ARHGEF9: variants seen among roughly 807,000 people sequenced by gnomAD.
The protein encoded by ARHGEF9 is Cdc42 guanine nucleotide exchange factor 9, also known as rho guanine nucleotide exchange factor 9.
In ARHGEF9, 2 loss-of-function variants were observed where a neutral mutation model predicts 41.3. The observed-to-expected ratio is 0.05, with a 90% CI of 0.02 to 0.15. The LOEUF is 0.15. Among genes scored for constraint, ARHGEF9 ranks in the 10% least tolerant of loss-of-function variants. The pLI, the probability that ARHGEF9 is intolerant of heterozygous loss-of-function variation, is 1.00. For missense variants in ARHGEF9, 225 were observed against 424.7 expected, an observed-to-expected ratio of 0.53 and a Z score of 4.13; for synonymous variants, 160 against 154.4, an observed-to-expected ratio of 1.04 and a Z score of -0.27.
chrX:63,782,729 T>G (rs2056402378), intron 1 of ARHGEF9, among the ~76,000 whole-genome samples: 2 of 112,435 alleles, frequency 1.8e-5, no homozygotes, highest in South Asian at 7.3e-4. Context: ...TATAAAATGG[T>G]GGCTAGATAC....
At chrX:63,742,471 C>T (rs1432643649) in intron 1 of ARHGEF9, among the ~76,000 whole-genome samples, 2 of 111,561 alleles carry the variant, frequency 1.8e-5, no homozygotes, top group African/African-American at 3.3e-5. Context: ...CCCCTCTAAC[C>T]CTCAGCAAGC....
At chrX:63,769,201 G>C (rs1175381386) in intron 1 of ARHGEF9, among the ~76,000 whole-genome samples, 1 of 111,520 alleles carries the variant, frequency 9.0e-6, no homozygotes, top group Non-Finnish European at 1.9e-5. Flanking sequence ...GATCTTGTTG[G>C]TAACTGAAGC....
chrX:63,707,664 T>C (rs2052643957), intron 2 of ARHGEF9, among the ~76,000 whole-genome samples: 1 of 111,638 alleles, frequency 9.0e-6, no homozygotes, highest in African/African-American at 3.3e-5. Flanking sequence ...TTTTCCACAT[T>C]CCTGCCTCAA....
At chrX:63,642,564 G>T (rs2047706354) in intron 9 of ARHGEF9, 1 of 111,807 alleles carries the variant, frequency 8.9e-6, no homozygotes, top group Non-Finnish European at 1.9e-5. Flanking sequence ...TTGAAGGGGA[G>T]GCATGTCTAG....
At chrX:63,697,931 T>C (rs2051873529) in intron 3 of ARHGEF9, among the ~76,000 whole-genome samples, 1 of 110,479 alleles carries the variant, frequency 9.1e-6, no homozygotes, top group East Asian at 2.8e-4. Flanking sequence ...TTTAAGAAAA[T>C]GCATTCATAC....
At chrX:63,711,535 C>T (rs1158747152) in intron 2 of ARHGEF9, among the ~76,000 whole-genome samples, 1 of 111,543 alleles carries the variant, frequency 9.0e-6, no homozygotes, top group East Asian at 2.8e-4. Context: ...GTCAAAGGTG[C>T]CAGGATTATT....
intron 6 of ARHGEF9, among the ~76,000 whole-genome samples, chrX:63,671,885 A>G (rs782364899): frequency 2.4e-3 from 271 of 112,260 alleles, no homozygotes; most frequent in Non-Finnish European, 4.5e-3. Flanking sequence ...TTACTAGAGA[A>G]AAGACTTCCT....
intron 3 of ARHGEF9, among the ~76,000 whole-genome samples, chrX:63,703,454 T>C (rs1481016608): frequency 1.8e-5 from 2 of 112,091 alleles, no homozygotes; most frequent in Non-Finnish European, 1.9e-5. Context: ...ATCTAGAAAA[T>C]AGGAATAACA....
At chrX:63,767,974 A>G (rs1214710108) in intron 1 of ARHGEF9, among the ~76,000 whole-genome samples, 1 of 112,180 alleles carries the variant, frequency 8.9e-6, no homozygotes, top group Non-Finnish European at 1.9e-5. Flanking sequence ...GAATTCATGC[A>G]TGTCAAGGCA....
At chrX:63,649,527 G>T (rs2048386923) in intron 8 of ARHGEF9, among the ~76,000 whole-genome samples, 1 of 111,578 alleles carries the variant, frequency 9.0e-6, no homozygotes, top group Non-Finnish European at 1.9e-5. Flanking sequence ...ACAATTAAAA[G>T]AACTAGAGAA....
intron 3 of ARHGEF9, among the ~76,000 whole-genome samples, chrX:63,705,991 AG>A (rs1467297239): frequency 1.8e-5 from 2 of 111,699 alleles, no homozygotes; most frequent in Non-Finnish European, 3.8e-5. Flanking sequence ...AGAAGGAGGA[AG>A]ACTAAGAAAG....
chrX:63,702,684 T>C (rs374152641), intron 3 of ARHGEF9, among the ~76,000 whole-genome samples: 36 of 111,858 alleles, frequency 3.2e-4, no homozygotes, highest in East Asian at 2.5e-3. Flanking sequence ...TCCCATAACC[T>C]ACAGAAAGAG....
chrX:63,727,801 A>C (rs1233506667), intron 1 of ARHGEF9, among the ~76,000 whole-genome samples: 1 of 112,366 alleles, frequency 8.9e-6, no homozygotes, highest in Non-Finnish European at 1.9e-5. Flanking sequence ...CCCTTTAAGG[A>C]AAAACTATTA....
chrX:63,733,924 G>A (rs868980831), intron 1 of ARHGEF9, among the ~76,000 whole-genome samples: 1 of 112,213 alleles, frequency 8.9e-6, no homozygotes, highest in Non-Finnish European at 1.9e-5. Flanking sequence ...AGGGCATGAT[G>A]CCATCCAGAA....
At chrX:63,773,445 C>T (rs2056236532) in intron 1 of ARHGEF9, among the ~76,000 whole-genome samples, 1 of 111,919 alleles carries the variant, frequency 8.9e-6, no homozygotes, top group Non-Finnish European at 1.9e-5. Context: ...GTGTGTGTCT[C>T]CTCTGTCCTG....
intron 2 of ARHGEF9, among the ~76,000 whole-genome samples, chrX:63,713,447 T>C (rs868981552): frequency 9.1e-6 from 1 of 109,511 alleles, no homozygotes; most frequent in East Asian, 2.9e-4. Context: ...TTTCAGATAA[T>C]TCTAATCATT....
At chrX:63,651,472 A>G (rs2048535761) in intron 8 of ARHGEF9, among the ~76,000 whole-genome samples, 1 of 111,592 alleles carries the variant, frequency 9.0e-6, no homozygotes, top group Non-Finnish European at 1.9e-5. Flanking sequence ...AACTGTGTGG[A>G]AAATAAATGA....
intron 4 of ARHGEF9, among the ~76,000 whole-genome samples, chrX:63,690,721 T>A (rs1254786013): frequency 9.0e-6 from 1 of 111,452 alleles, no homozygotes; most frequent in South Asian, 3.8e-4. Context: ...CAAACATAGA[T>A]GCAAAAATTC....
At chrX:63,777,896 G>A (rs1556459685) in intron 1 of ARHGEF9, among the ~76,000 whole-genome samples, 1 of 112,678 alleles carries the variant, frequency 8.9e-6, no homozygotes, top group African/African-American at 3.2e-5. Context: ...CCCCCTCCAG[G>A]CTGCCTTCAT....
Sources: allele counts gnomAD v4.1 joint callset (sites outside exome capture counted in the v4.1 genomes callset), GRCh38; gene constraint gnomAD v4.1.1; transcripts MANE v1.5; gene names NCBI Gene and HGNC (gene_info 2026-07-23, HGNC 2026-07-21).